AVPR2: variants seen among roughly 807,000 people sequenced by gnomAD.
AVPR2 encodes the protein vasopressin V2 receptor.
In AVPR2, 3 loss-of-function variants were observed where a neutral mutation model predicts 12.0. The observed-to-expected ratio is 0.25, with a 90% CI of 0.11 to 0.64. The LOEUF (loss-of-function observed/expected upper bound fraction) is 0.64. Among genes scored for constraint, AVPR2 ranks in the 30% least tolerant of loss-of-function variants. The probability of loss-of-function intolerance (pLI) is 0.84; values close to 1 mark genes in which losing one functional copy is unlikely to be tolerated. For missense variants in AVPR2, 279 were observed against 347.9 expected (o/e 0.80, Z 1.58); for synonymous variants, 143 against 147.5 (o/e 0.97, Z 0.22).
Position 153,905,548 on chromosome X carries a change from C to T in AVPR2, c.42C>T (p.Pro14=), listed in dbSNP as rs1191387563. 1 of 1,193,362 alleles carries T rather than the reference C, an allele frequency of 8.4e-7. No individual in the cohort carries two copies. Among genetic ancestry groups the T allele is most frequent in the Non-Finnish European group, 1.1e-6 (1 of 886,782 alleles). The change falls in exon 3 of 4, where the codon CCC becomes CCT. Residue 14 remains proline, a synonymous_variant. Coordinates refer to ENST00000646375, the MANE Select transcript of AVPR2 (RefSeq NM_000054.7). ...ASTTSAVPGH[P]SLPSLPSNSS... is the part of the protein sequence containing the mutation. Reference sequence around the variant, plus strand: ...CCTTCCCAGCTGTGCCTGGGCATCCCTCTCTGCCCAGCCTGCCCAGCAACA... The same window carrying T: ...CCTTCCCAGCTGTGCCTGGGCATCCTTCTCTGCCCAGCCTGCCCAGCAACA...
chrX:153,906,948 G>T lies in AVPR2; in HGVS notation c.*220G>T, dbSNP rs992499119. 5 of 491,599 alleles carry T rather than the reference G, an allele frequency of 1.0e-5. No homozygotes were observed. The highest frequency in any genetic ancestry group is 2.9e-5 in the Admixed American group (1 of 34,648). The allele number at this position is 491,599 out of a possible 1,213,427, so 40.5% of individuals were successfully genotyped here. A position where few individuals can be genotyped will look rare whatever the true frequency, so the allele number is the denominator to read the frequency against. ...AGCTTCAGGCCCCAGGACTGTGGGG[G>T]CCCCTCAGGTCAGCTCACTGAGCTG... is the stretch of plus-strand genomic sequence containing the variant. On this transcript the variant is annotated 3_prime_UTR_variant, in exon 4 of 4. Coordinates refer to ENST00000646375, the MANE Select transcript of AVPR2 (RefSeq NM_000054.7).
rs1262117520 is a variant in AVPR2, at chrX:153,905,842, T to C, written c.336T>C (p.Cys112=). ...TDRFRGPDAL[C]RAVKYLQMVG... is the part of the protein sequence containing the mutation. ...GCTTCCGTGGGCCAGATGCCCTGTGTCGGGCCGTGAAGTATCTGCAGATGG... is the reference window on the plus strand; with the variant it reads ...GCTTCCGTGGGCCAGATGCCCTGTGCCGGGCCGTGAAGTATCTGCAGATGG... The change falls in exon 3 of 4, where the codon TGT becomes TGC. Residue 112 remains cysteine (C), a synonymous_variant. Transcript: ENST00000646375. The C allele has an allele frequency of 1.7e-6, 2 of 1,205,077 alleles. No individual in the cohort carries two copies. The highest frequency in any genetic ancestry group is 2.2e-6 in the Non-Finnish European group (2 of 895,481).
rs782145646 is a variant in AVPR2 at position 153,906,767 on chromosome X, G to A, written c.*39G>A. 5 of 1,157,580 alleles carry A rather than the reference G, an allele frequency of 4.3e-6. No individual in the cohort carries two copies. The African/African-American group carries it at 5.3e-5, about 12-fold the overall frequency. On this transcript the variant is annotated 3_prime_UTR_variant, in exon 4 of 4. Coordinates refer to ENST00000646375, the MANE Select transcript of AVPR2 (RefSeq NM_000054.7). Reference sequence around the variant, plus strand: ...GTCTTGCCTCTAGAGGCTTTGAGAAGCTCAGCTGCCTTCCTGGGGCTGGTC... The same window carrying A: ...GTCTTGCCTCTAGAGGCTTTGAGAAACTCAGCTGCCTTCCTGGGGCTGGTC...
chrX:153,905,495 CCTCT>C (rs782395984), intron 2 of AVPR2, 33 bp from the exon 3 acceptor site: 13 of 1,146,103 alleles, frequency 1.1e-5, no homozygotes, highest in South Asian at 1.9e-5. Flanking sequence ...TGCACAGCAC[CCTCT>C]CTAACCAGGC....
chrX:153,905,469 C>G (rs2064955789), intron 2 of AVPR2, 63 bp from the exon 3 acceptor site: 1 of 1,086,974 alleles, frequency 9.2e-7, no homozygotes, highest in Non-Finnish European at 1.2e-6. Context: ...GCACGGGAGG[C>G]AGGCCTGAGT....
chrX:153,905,161 A>G lies in AVPR2; in HGVS notation c.16A>G (p.Thr6Ala). MLMASTTSAVPGHPSL... is the reference protein window; with the variant it reads MLMASATSAVPGHPSL... ...CAGCCCCACCATGCTCATGGCGTCCACCACTTCCGGTAAGGCTTGCCCCTC... is the reference window on the plus strand; with the variant it reads ...CAGCCCCACCATGCTCATGGCGTCCGCCACTTCCGGTAAGGCTTGCCCCTC... Residue 6 changes from threonine to alanine, a missense_variant, in exon 2 of 4, where the codon ACC becomes GCC. Thr to Ala is a moderately conservative substitution (Grantham distance 58). Transcript: ENST00000646375. 1 of 1,211,787 alleles carries G rather than the reference A, an allele frequency of 8.3e-7. No individual in the cohort carries two copies. The highest frequency in any genetic ancestry group is 1.1e-6 in the Non-Finnish European group (1 of 895,416).
At position 153,906,724 on chromosome X, in the gene AVPR2, C is replaced by T. The variant is rs781948819; in HGVS notation, c.1112C>T (p.Ser371Leu). 6 of 1,207,606 alleles carry T rather than the reference C, an allele frequency of 5.0e-6. No homozygotes were observed. The highest frequency in any genetic ancestry group is 3.5e-5 in the South Asian group (2 of 56,750). ...ASSSLAKDTS[S>L] ...TCCTCCCTGGCCAAGGACACTTCAT[C>T]GTGAGGAGCTGTTGGGTGTCTTGCC... Residue 371 changes from serine (S) to leucine (L), a missense_variant, in exon 4 of 4, where the codon TCG becomes TTG. Ser to Leu is a moderately radical substitution (Grantham distance 145). Coordinates refer to ENST00000646375, the MANE Select transcript of AVPR2 (RefSeq NM_000054.7).
intron 2 of AVPR2, 83 bp from the exon 3 acceptor site, chrX:153,905,449 C>A (rs2064955538): frequency 1.9e-6 from 2 of 1,026,889 alleles, no homozygotes; most frequent in Non-Finnish European, 2.7e-6. Flanking sequence ...AAGTGGGTGT[C>A]CGGATGGGGG....
rs782184052 is a variant in AVPR2 at position 153,905,195 on chromosome X, C to T, written c.25+25C>T. 1.2e-5 allele frequency: 15 copies of T among 1,209,413 alleles called. No individual in the cohort carries two copies. In the South Asian group the frequency reaches 2.1e-4, roughly 17 times the overall value. ...GGTAAGGCTTGCCCCTCCATGAGTC[C>T]GGTGGGCAGAGTGGGTTTGACGATT... On this transcript the variant is annotated intron_variant, in intron 2 of 3. Coordinates refer to ENST00000646375, the MANE Select transcript of AVPR2 (RefSeq NM_000054.7).
chrX:153,906,500 A>G lies in AVPR2; in HGVS notation c.911-23A>G, dbSNP rs782689915. 1.1e-5 allele frequency: 13 copies of G among 1,206,494 alleles called. No individual in the cohort carries two copies. The African/African-American group carries it at 2.1e-4, about 19-fold the overall frequency. On this transcript the variant is annotated intron_variant, in intron 3 of 3. Coordinates refer to ENST00000646375, the MANE Select transcript of AVPR2 (RefSeq NM_000054.7). The stretch of plus-strand genomic sequence containing the variant: ...TGCCCCACCAGCCATCCTGAACCCA[A>G]CCTAGATCCTCCACCTCCACAGGGG...
chrX:153,904,233 G>C (rs782253794), upstream of AVPR2, among the ~76,000 whole-genome samples: 6 of 111,842 alleles, frequency 5.4e-5, no homozygotes, highest in South Asian at 1.9e-3. Context: ...CCTGTCCCTC[G>C]TCTCCGGCCA....
rs1396026839 is a variant in AVPR2, at chrX:153,906,859, C to G, written c.*131C>G. The stretch of plus-strand genomic sequence containing the variant: ...AGCCTGTGGCCCCGAGGCTGGGACA[C>G]TGTGTGGCCCTGGACAAGCCACAGC... On this transcript the variant is annotated 3_prime_UTR_variant, in exon 4 of 4. Transcript: ENST00000646375. 1.4e-6 allele frequency: 1 copy of G among 693,532 alleles called. No homozygotes were observed. The highest frequency in any genetic ancestry group is 3.5e-5 in the East Asian group (1 of 28,501). The allele number at this position is 693,532 out of a possible 1,213,427, so 57.2% of individuals were successfully genotyped here. A position where few individuals can be genotyped will look rare whatever the true frequency, so the allele number is the denominator to read the frequency against.
Position 153,906,358 on chromosome X carries a change from G to C in AVPR2, c.852G>C (p.Trp284Cys). 1 of 1,211,926 alleles carries C rather than the reference G, an allele frequency of 8.3e-7. No homozygotes were observed. Among genetic ancestry groups the C allele is most frequent in the Non-Finnish European group, 1.1e-6 (1 of 895,388 alleles). ...LVIVVVYVLC[W>C]APFFLVQLWA... ...TTGTGGTCGTCTATGTGCTGTGCTG[G>C]GCACCCTTCTTCCTGGTGCAGCTGT... The change falls in exon 3 of 4, where the codon TGG (tryptophan) becomes TGC (cysteine). Residue 284 changes from tryptophan (W) to cysteine (C), a missense_variant. Physicochemically the swap from Trp to Cys is radical, Grantham distance 215. Transcript: ENST00000646375.
At chrX:153,905,469 C>T in intron 2 of AVPR2, 63 bp from the exon 3 acceptor site, 1 of 1,088,566 alleles carries the variant, frequency 9.2e-7, no homozygotes. Flanking sequence ...GCACGGGAGG[C>T]AGGCCTGAGT....
At chrX:153,906,447 G>A in intron 3 of AVPR2, 31 bp downstream of exon 3, 1 of 1,202,148 alleles carries the variant, frequency 8.3e-7, no homozygotes, top group South Asian at 1.8e-5. Flanking sequence ...GGCTGACGGG[G>A]CCACTTGGGC....
At chrX:153,903,688 G>C (rs1042528208), upstream of AVPR2, among the ~76,000 whole-genome samples, 16 of 111,836 alleles carry the variant, frequency 1.4e-4, 1 homozygote, top group African/African-American at 5.2e-4. Context: ...GTGCTGCCAG[G>C]CTCTCTGGGC....
At position 153,905,818 on chromosome X, in the gene AVPR2, C is replaced by T. The variant is rs781956131; in HGVS notation, c.312C>T (p.Arg104=). Residue 104 remains arginine (R), a synonymous_variant, in exon 3 of 4, where the codon CGC becomes CGT. Transcript: ENST00000646375. ...LPQLAWKATD[R]FRGPDALCRA... Reference sequence around the variant, plus strand: ...AGCTGGCCTGGAAGGCCACCGACCGCTTCCGTGGGCCAGATGCCCTGTGTC... The same window carrying T: ...AGCTGGCCTGGAAGGCCACCGACCGTTTCCGTGGGCCAGATGCCCTGTGTC... The T allele has an allele frequency of 1.2e-5, 14 of 1,207,110 alleles. No homozygotes were observed. The South Asian group carries it at 2.5e-4, about 21-fold the overall frequency.
intron 2 of AVPR2, 147 bp downstream of exon 2, chrX:153,905,317 T>G: frequency 2.1e-6 from 2 of 958,115 alleles, no homozygotes; most frequent in African/African-American, 1.9e-5. Flanking sequence ...CAGCCCCACT[T>G]CCCCGCCAGG....
At chrX:153,904,393 C>A (rs371911720), upstream of AVPR2, among the ~76,000 whole-genome samples, 2 of 112,771 alleles carry the variant, frequency 1.8e-5, no homozygotes, top group Non-Finnish European at 3.8e-5. Context: ...GAAAAAGCAG[C>A]GCAGTCCTGG....
Sources: allele counts gnomAD v4.1 joint callset (sites outside exome capture counted in the v4.1 genomes callset), GRCh38; gene constraint gnomAD v4.1.1; transcripts MANE v1.5; gene names NCBI Gene and HGNC (gene_info 2026-07-23, HGNC 2026-07-21).